Variants in SLC25A25 observed in about 807,000 individuals in gnomAD.
SLC25A25 encodes mitochondrial adenyl nucleotide antiporter SLC25A25.
SLC25A25 carries 32 observed loss-of-function variants against 57.7 expected under a neutral mutation model. The observed-to-expected ratio is 0.55, with a 90% CI of 0.42 to 0.74. The LOEUF is 0.74. Ranked by LOEUF, SLC25A25 falls within the 30% of genes least tolerant of loss-of-function variation. The pLI is 0.00. For missense variants in SLC25A25, 556 were observed against 701.3 expected (o/e 0.79, Z 2.34); for synonymous variants, 306 against 291.2 (o/e 1.05, Z -0.52).
intron 1 of SLC25A25, among the ~76,000 whole-genome samples, chr9:128,097,443 G>T (rs1833593961): frequency 6.7e-6 from 1 of 148,808 alleles, no homozygotes; most frequent in African/African-American, 2.5e-5. Flanking sequence ...TTACTTTTTT[G>T]CATGAGACAC....
In SLC25A25 at chr9:128,106,268, G is replaced by A. The variant is rs780714534; in HGVS notation, c.1044+11G>A. On this transcript the variant is annotated intron_variant, in intron 8 of 10. Transcript: ENST00000373069. Reference sequence around the variant, plus strand: ...ATCTACCCAATGGAGGTGAGGGGCCGCCTGGGTCCTGGGGCGGGCAGTGGG... The same window carrying A: ...ATCTACCCAATGGAGGTGAGGGGCCACCTGGGTCCTGGGGCGGGCAGTGGG... 20 of 1,613,762 alleles carry A rather than the reference G, an allele frequency of 1.2e-5. No homozygotes were observed. Among genetic ancestry groups the A allele is most frequent in the South Asian group, 3.3e-5 (3 of 91,086 alleles).
intron 1 of SLC25A25, among the ~76,000 whole-genome samples, chr9:128,076,294 C>G (rs1323903786): frequency 6.6e-6 from 1 of 152,060 alleles, no homozygotes; most frequent in Non-Finnish European, 1.5e-5. Flanking sequence ...CCATGCCCAG[C>G]TAATTTTTGT....
chr9:128,103,833 C>T lies in SLC25A25; in HGVS notation c.777C>T (p.Leu259=). ...CCCCCCTGGACAGGCTCAAGGTGCT[C>T]ATGCAGGTATGTAGGGAAAAGGCCC... is the stretch of plus-strand genomic sequence containing the variant. ...CTAPLDRLKV[L]MQVHASRSNN... Residue 259 remains leucine, a synonymous_variant, in exon 6 of 11, where the codon CTC becomes CTT. Coordinates refer to ENST00000373069, the MANE Select transcript of SLC25A25 (RefSeq NM_001330988.2). The surrounding 1 kb of genome is among the most constrained non-coding windows in gnomAD (Gnocchi z 6.7). 1.3e-6 allele frequency: 2 copies of T among 1,592,868 alleles called. No homozygotes were observed. The highest frequency in any genetic ancestry group is 1.7e-5 in the Admixed American group (1 of 57,490).
chr9:128,104,121 C>A (rs967404589), intron 6 of SLC25A25, among the ~76,000 whole-genome samples: 7 of 152,334 alleles, frequency 4.6e-5, no homozygotes, highest in African/African-American at 1.4e-4. Flanking sequence ...GAACCAATTT[C>A]TGTAAGTACG....
chr9:128,090,698 G>A (rs965689009), intron 1 of SLC25A25, among the ~76,000 whole-genome samples: 1 of 151,964 alleles, frequency 6.6e-6, no homozygotes, highest in Non-Finnish European at 1.5e-5. Context: ...GTAATCCCAG[G>A]TACTTGGGAG....
At chr9:128,098,584 G>A (rs765416604) in intron 1 of SLC25A25, 13 of 1,614,016 alleles carry the variant, frequency 8.1e-6, no homozygotes, top group Non-Finnish European at 1.1e-5. Flanking sequence ...GTCTGTGCCT[G>A]TATGTGCCGG....
At chr9:128,104,862 ATTATT>A (rs1454967962) in intron 6 of SLC25A25, among the ~76,000 whole-genome samples, 7 of 126,396 alleles carry the variant, frequency 5.5e-5, no homozygotes, top group Non-Finnish European at 1.0e-4. Flanking sequence ...TATTATTATT[ATTATT>A]ATATTTTTTG....
In SLC25A25 at chr9:128,103,799, C is replaced by A; in HGVS notation, c.743C>A (p.Thr248Asn). 1 of 1,612,254 alleles carries A rather than the reference C, an allele frequency of 6.2e-7. No homozygotes were observed. The highest frequency in any genetic ancestry group is 2.2e-5 in the East Asian group (1 of 44,854). ...AGGGAGAVSR[T>N]CTAPLDRLKV... ...GGTGGGGCAGGGGCCGTATCCAGAACCTGCACGGCCCCCCTGGACAGGCTC... is the reference window on the plus strand; with the variant it reads ...GGTGGGGCAGGGGCCGTATCCAGAAACTGCACGGCCCCCCTGGACAGGCTC... Residue 248 changes from threonine (T) to asparagine (N), a missense_variant, in exon 6 of 11, where the codon ACC (threonine) becomes AAC (asparagine). Around this residue, in one of 3 missense-constraint regions of SLC25A25, gnomAD observed 294 missense variants for 389.6 expected, o/e 0.75. Coordinates refer to ENST00000373069, the MANE Select transcript of SLC25A25 (RefSeq NM_001330988.2). The surrounding 1 kb of genome is among the most constrained non-coding windows in gnomAD (Gnocchi z 6.7).
chr9:128,104,937 A>G (rs1370059712), intron 6 of SLC25A25, among the ~76,000 whole-genome samples: 2 of 150,278 alleles, frequency 1.3e-5, no homozygotes, highest in South Asian at 2.1e-4. Context: ...GCTCACTGCA[A>G]CCTCCCTCAC....
chr9:128,106,011 G>A lies in SLC25A25; in HGVS notation c.936+130G>A, dbSNP rs1223419692. 2.0e-6 allele frequency: 3 copies of A among 1,525,974 alleles called. No homozygotes were observed. In the East Asian group the frequency reaches 6.8e-5, roughly 34 times the overall value. 94.5% of individuals were successfully genotyped at this position (1,525,974 alleles called of 1,614,324 possible). A position where few individuals can be genotyped will look rare whatever the true frequency, so the allele number is the denominator to read the frequency against. On this transcript the variant is annotated intron_variant, in intron 7 of 10. Coordinates refer to ENST00000373069, the MANE Select transcript of SLC25A25 (RefSeq NM_001330988.2). ...GGTACCCCAGGGACAGCAGGGCGAG[G>A]CAGGAGGCCCAGGCTCACCACGAGT...
intron 6 of SLC25A25, among the ~76,000 whole-genome samples, chr9:128,105,061 G>A (rs1833961799): frequency 6.8e-6 from 1 of 146,570 alleles, no homozygotes; most frequent in South Asian, 2.2e-4. Flanking sequence ...GTTTCATCAT[G>A]TTGGCCAGGC....
chr9:128,101,533 C>A lies in SLC25A25; in HGVS notation c.476+137C>A. 1 of 892,502 alleles carries A rather than the reference C, an allele frequency of 1.1e-6. No homozygotes were observed. The highest frequency in any genetic ancestry group is 1.7e-6 in the Non-Finnish European group (1 of 586,908). 55.3% of individuals were successfully genotyped at this position (892,502 alleles called of 1,614,324 possible). A position where few individuals can be genotyped will look rare whatever the true frequency, so the allele number is the denominator to read the frequency against. The stretch of plus-strand genomic sequence containing the variant: ...GTTTGAAAGGATGAATAAGTAACCC[C>A]TGTGGGAGGCCAGCCCCTCCCCAGG... On this transcript the variant is annotated intron_variant, in intron 3 of 10. Coordinates refer to ENST00000373069, the MANE Select transcript of SLC25A25 (RefSeq NM_001330988.2). This position sits in a 1 kb window ranked among gnomAD's most constrained non-coding sequence, Gnocchi z 4.9.
At chr9:128,089,725 C>T (rs1185356556) in intron 1 of SLC25A25, among the ~76,000 whole-genome samples, 1 of 151,484 alleles carries the variant, frequency 6.6e-6, no homozygotes, top group Non-Finnish European at 1.5e-5. Flanking sequence ...CTTGACCACC[C>T]ATGCTCAAGT....
chr9:128,097,442 T>C (rs1368145915), intron 1 of SLC25A25, among the ~76,000 whole-genome samples: 1 of 149,044 alleles, frequency 6.7e-6, no homozygotes, highest in African/African-American at 2.5e-5. Context: ...TTTACTTTTT[T>C]GCATGAGACA....
At position 128,068,371 on chromosome 9, in the gene SLC25A25, G is replaced by A; in HGVS notation, c.52G>A (p.Ala18Thr). The change falls in exon 1 of 11, where the codon GCC becomes ACC. Residue 18 changes from alanine (A) to threonine (T), a missense_variant. Ala to Thr is a moderately conservative substitution (Grantham distance 58). This residue lies in a region of SLC25A25 where 248 missense variants were observed against 273.5 expected (regional missense o/e 0.91). Transcript: ENST00000373069. ...TGTGGCCTCCCCGCCGCCGGACGCCGCCGCCACCGCCGCCTCTTCGTCTGC... is the reference window on the plus strand; with the variant it reads ...TGTGGCCTCCCCGCCGCCGGACGCCACCGCCACCGCCGCCTCTTCGTCTGC... Reference protein sequence around the residue: ...RCVASPPPDAAATAASSSASS... With the variant: ...RCVASPPPDATATAASSSASS... The A allele has an allele frequency of 1.9e-6, 3 of 1,543,970 alleles. No homozygotes were observed. Among genetic ancestry groups the A allele is most frequent in the Non-Finnish European group, 2.6e-6 (3 of 1,153,946 alleles).
In SLC25A25 at chr9:128,101,128, T is replaced by C; in HGVS notation, c.294T>C (p.Asp98=). 2.5e-6 allele frequency: 4 copies of C among 1,614,260 alleles called. No homozygotes were observed. The highest frequency in any genetic ancestry group is 3.4e-6 in the Non-Finnish European group (4 of 1,180,050). Residue 98 remains aspartate, a synonymous_variant, in exon 2 of 11, where the codon GAT becomes GAC. Coordinates refer to ENST00000373069, the MANE Select transcript of SLC25A25 (RefSeq NM_001330988.2). The surrounding 1 kb of genome is among the most constrained non-coding windows in gnomAD (Gnocchi z 4.9). ...KIVQAGDKDL[D]GQLDFEEFVH... is the part of the protein sequence containing the mutation. Reference sequence around the variant, plus strand: ...TACAAGCTGGAGATAAGGACCTTGATGGGCAGCTAGACTTTGAAGAATTTG... The same window carrying C: ...TACAAGCTGGAGATAAGGACCTTGACGGGCAGCTAGACTTTGAAGAATTTG...
At chr9:128,077,690 T>C (rs1833049408) in intron 1 of SLC25A25, among the ~76,000 whole-genome samples, 1 of 151,822 alleles carries the variant, frequency 6.6e-6, no homozygotes, top group Non-Finnish European at 1.5e-5. Flanking sequence ...TTTGAGGTGT[T>C]GGAAATATTC....
rs750278943 is a variant in SLC25A25, at chr9:128,105,831, G to A, written c.886G>A (p.Val296Ile). 13 of 1,614,056 alleles carry A rather than the reference G, an allele frequency of 8.1e-6. No homozygotes were observed. Among genetic ancestry groups the A allele is most frequent in the Middle Eastern group, 1.6e-4 (1 of 6,082 alleles). Residue 296 changes from valine to isoleucine, a missense_variant, in exon 7 of 11, where the codon GTC becomes ATC. Val to Ile is a conservative substitution (Grantham distance 29). Coordinates refer to ENST00000373069, the MANE Select transcript of SLC25A25 (RefSeq NM_001330988.2). The part of the protein sequence containing the change: ...RSLWRGNGIN[V>I]LKIAPESAIK... ...ACTCTGGCGGGGCAATGGCATCAAC[G>A]TCCTCAAAATTGCCCCCGAATCAGC...
chr9:128,081,916 C>G (rs1365349626), intron 1 of SLC25A25, among the ~76,000 whole-genome samples: 1 of 76,416 alleles, frequency 1.3e-5, no homozygotes, highest in Non-Finnish European at 3.4e-5. Context: ...CAGACCCTGT[C>G]TCAAAAAAAA....
Sources: allele counts gnomAD v4.1 joint callset (sites outside exome capture counted in the v4.1 genomes callset), GRCh38; gene constraint gnomAD v4.1.1; regional missense constraint gnomAD v4.1.1; non-coding constraint Gnocchi (gnomAD v3.1); transcripts MANE v1.5; gene names NCBI Gene and HGNC (gene_info 2026-07-23, HGNC 2026-07-21).